CABIN1: variants seen among roughly 807,000 people sequenced by gnomAD.
The protein encoded by CABIN1 is calcineurin-binding protein cabin-1.
Under a neutral mutation model 227.7 loss-of-function variants are expected in CABIN1, and 133 were observed. The observed-to-expected ratio is 0.58, with a 90% CI of 0.51 to 0.67. CABIN1 has a LOEUF of 0.67. Among genes scored for constraint, CABIN1 ranks in the 30% least tolerant of loss-of-function variants. The probability of loss-of-function intolerance (pLI) is 0.00; values close to 1 mark genes in which losing one functional copy is unlikely to be tolerated. For synonymous variants in CABIN1, 1,086 were observed against 1,155.1 expected, an observed-to-expected ratio of 0.94 and a Z score of 1.21; for missense variants, 2,408 against 2,852.5, an observed-to-expected ratio of 0.84 and a Z score of 3.55.
chr22:24,078,953 A>C (rs994059929), intron 19 of CABIN1, among the ~76,000 whole-genome samples: 1 of 137,840 alleles, frequency 7.3e-6, no homozygotes, highest in Non-Finnish European at 1.5e-5. Context: ...TTACATACTA[A>C]ATATATAGTA....
intron 16 of CABIN1, among the ~76,000 whole-genome samples, chr22:24,067,480 A>C (rs2039771593): frequency 6.6e-6 from 1 of 152,236 alleles, no homozygotes; most frequent in Non-Finnish European, 1.5e-5. Flanking sequence ...TCATCTGTCC[A>C]TCCACTTGTT....
intron 30 of CABIN1, among the ~76,000 whole-genome samples, chr22:24,165,045 G>T (rs898237579): frequency 6.6e-6 from 1 of 152,234 alleles, no homozygotes; most frequent in Non-Finnish European, 1.5e-5. Flanking sequence ...ATTTACAGGG[G>T]GTGTTGGGGG....
intron 26 of CABIN1, among the ~76,000 whole-genome samples, chr22:24,111,789 G>GT (rs879671988): frequency 3.3e-5 from 5 of 152,210 alleles, no homozygotes; most frequent in South Asian, 2.1e-4. Flanking sequence ...TTGAACCATT[G>GT]TAAGTTGGAG....
At chr22:24,099,083 A>AT (rs1341181119) in intron 26 of CABIN1, among the ~76,000 whole-genome samples, 1 of 152,128 alleles carries the variant, frequency 6.6e-6, no homozygotes, top group Non-Finnish European at 1.5e-5. Flanking sequence ...TGGAGTAAGA[A>AT]TGGGCACTCT....
At chr22:24,157,150 A>C (rs961471898) in intron 29 of CABIN1, among the ~76,000 whole-genome samples, 5 of 152,002 alleles carry the variant, frequency 3.3e-5, no homozygotes, top group Non-Finnish European at 5.9e-5. Context: ...GCCCGCCCTG[A>C]TAGGTTTGTG....
chr22:24,119,301 G>A (rs1020152943), intron 27 of CABIN1, 66 bp from the exon 28 acceptor site: 2 of 1,382,800 alleles, frequency 1.4e-6, no homozygotes, highest in Admixed American at 1.7e-5. Flanking sequence ...CGTTACTGGT[G>A]GTAGACCACT....
intron 22 of CABIN1, among the ~76,000 whole-genome samples, chr22:24,086,965 G>A (rs139332143): frequency 6.6e-4 from 101 of 152,304 alleles, no homozygotes; most frequent in Non-Finnish European, 9.8e-4. Context: ...GTTGGCAAAT[G>A]TGCTAATGAC....
intron 29 of CABIN1, among the ~76,000 whole-genome samples, chr22:24,157,564 C>G (rs566481243): frequency 6.6e-6 from 1 of 152,310 alleles, no homozygotes; most frequent in Admixed American, 6.5e-5. Context: ...TAAGTGAAAT[C>G]ATGTGTTAAA....
chr22:24,078,323 A>G (rs1465957961), intron 19 of CABIN1, among the ~76,000 whole-genome samples: 2 of 152,176 alleles, frequency 1.3e-5, no homozygotes, highest in Non-Finnish European at 1.5e-5. Flanking sequence ...GAATGAATGA[A>G]CAAACATAAA....
intron 29 of CABIN1, chr22:24,156,673 C>G (rs187275742): frequency 6.6e-6 from 1 of 152,372 alleles, no homozygotes; most frequent in Non-Finnish European, 1.5e-5. Context: ...ATGGTTCCAG[C>G]CCTTTACAAG....
intron 24 of CABIN1, among the ~76,000 whole-genome samples, chr22:24,092,522 C>T (rs1408577187): frequency 9.9e-5 from 15 of 152,106 alleles, no homozygotes; most frequent in Admixed American, 9.8e-4. Context: ...TGGTTCAGCC[C>T]AGGACTTGAA....
chr22:24,173,648 A>G (rs1265525175), intron 34 of CABIN1, among the ~76,000 whole-genome samples: 1 of 152,228 alleles, frequency 6.6e-6, no homozygotes, highest in Non-Finnish European at 1.5e-5. Context: ...ATCCTGGCCA[A>G]CATGGTGAAA....
chr22:24,113,448 C>T (rs1169982519), intron 26 of CABIN1, 118 bp from the exon 27 acceptor site: 9 of 933,742 alleles, frequency 9.6e-6, no homozygotes, highest in Non-Finnish European at 1.4e-5. Context: ...GTGTTCAGGC[C>T]ATCTCCTGCA....
intron 29 of CABIN1, among the ~76,000 whole-genome samples, chr22:24,152,286 G>A (rs2045529484): frequency 6.6e-6 from 1 of 152,222 alleles, no homozygotes; most frequent in African/African-American, 2.4e-5. Context: ...CTAAAGTTCA[G>A]CACAGGCTGG....
chr22:24,055,093 A>G lies in CABIN1; in HGVS notation c.1027A>G (p.Thr343Ala), dbSNP rs760130615. The G allele has an allele frequency of 5.0e-6, 8 of 1,613,944 alleles. No homozygotes were observed. In the Admixed American group the frequency reaches 6.7e-5, roughly 13 times the overall value. ...VAVAEPVVSY[T>A]SVATTSFPLH... ...TGTCGCCGAGCCTGTGGTCTCCTAC[A>G]CCTCTGTGGCTACAACCAGCTTCCC... The change falls in exon 9 of 37, where the codon ACC becomes GCC. Residue 343 changes from threonine to alanine, a missense_variant. By Grantham distance (58) the Thr-to-Ala change is moderately conservative. This residue lies in a region of CABIN1 where 1,045 missense variants were observed against 1,168.4 expected (regional missense o/e 0.89). Coordinates refer to ENST00000263119, the MANE Select transcript of CABIN1 (RefSeq NM_012295.4).
intron 19 of CABIN1, among the ~76,000 whole-genome samples, chr22:24,082,462 T>G (rs1473518996): frequency 1.3e-5 from 2 of 152,220 alleles, no homozygotes; most frequent in Admixed American, 6.5e-5. Flanking sequence ...GACTCCCATA[T>G]ATTCTGATAT....
rs111408649 is a variant in CABIN1 at position 24,083,442 on chromosome 22, T to G, written c.2910+53T>G. Reference sequence around the variant, plus strand: ...AGAGGGAAGCAGGAGCTGTAAGCTCTTTTGAAGGATGTCATATTTGTCAAC... The same window carrying G: ...AGAGGGAAGCAGGAGCTGTAAGCTCGTTTGAAGGATGTCATATTTGTCAAC... On this transcript the variant is annotated intron_variant, in intron 20 of 36. Coordinates refer to ENST00000263119, the MANE Select transcript of CABIN1 (RefSeq NM_012295.4). The G allele has an allele frequency of 1.2e-4, 192 of 1,593,680 alleles. 1 individual carries two copies. The African/African-American group carries it at 1.9e-3, about 16-fold the overall frequency.
chr22:24,019,620 A>T (rs1190312168), intron 1 of CABIN1, among the ~76,000 whole-genome samples: 1 of 129,526 alleles, frequency 7.7e-6, no homozygotes, highest in Non-Finnish European at 1.7e-5. Flanking sequence ...ATATCATATT[A>T]TCTACAATTA....
At chr22:24,118,145 C>G (rs998184772) in intron 27 of CABIN1, among the ~76,000 whole-genome samples, 2 of 151,950 alleles carry the variant, frequency 1.3e-5, no homozygotes, top group African/African-American at 4.8e-5. Context: ...GCCAACACCA[C>G]TGGGGGCAGC....
Sources: gnomAD v4.1 joint callset for allele counts (sites outside exome capture counted in the v4.1 genomes callset) on GRCh38, gnomAD v4.1.1 for gene constraint, gnomAD v4.1.1 regional missense constraint, MANE v1.5 for transcripts, NCBI Gene and HGNC (gene_info 2026-07-23, HGNC 2026-07-21) for gene names.